Variants in TMEM117 observed in about 807,000 individuals in gnomAD.
TMEM117 encodes the protein transmembrane protein 117.
TMEM117 carries 27 observed loss-of-function variants against 52.4 expected under a neutral mutation model. The ratio of observed to expected loss-of-function variants is 0.51; its 90% CI spans 0.38 to 0.71. The LOEUF is 0.71. Among genes scored for constraint, TMEM117 ranks in the 30% least tolerant of loss-of-function variants. The probability of loss-of-function intolerance (pLI) is 0.00; values close to 1 mark genes in which losing one functional copy is unlikely to be tolerated. For synonymous variants in TMEM117, 215 were observed against 206.3 expected (o/e 1.04, Z -0.36); for missense variants, 556 against 630.5 (o/e 0.88, Z 1.26).
intron 3 of TMEM117, among the ~76,000 whole-genome samples, chr12:43,950,962 C>T (rs931369828): frequency 1.3e-5 from 2 of 152,144 alleles, no homozygotes; most frequent in Non-Finnish European, 2.9e-5. Context: ...GTTCATCCTA[C>T]TGGGACTGGC....
chr12:44,104,367 A>G (rs889751469), intron 3 of TMEM117, among the ~76,000 whole-genome samples: 1 of 151,834 alleles, frequency 6.6e-6, no homozygotes, highest in African/African-American at 2.4e-5. Flanking sequence ...AATCTCATCA[A>G]TCAAAATTAT....
intron 4 of TMEM117, among the ~76,000 whole-genome samples, chr12:44,168,252 C>CAAA (rs111854378): frequency 7.5e-6 from 1 of 133,988 alleles, no homozygotes; most frequent in Non-Finnish European, 1.7e-5. Context: ...GACCCCATCT[C>CAAA]AAAAAAAAAA....
intron 2 of TMEM117, among the ~76,000 whole-genome samples, chr12:43,869,260 A>G (rs1191009204): frequency 6.6e-6 from 1 of 152,078 alleles, no homozygotes; most frequent in Non-Finnish European, 1.5e-5. Flanking sequence ...GCTCTTGGGG[A>G]CTTGTAGCTG....
chr12:44,316,623 A>T (rs922729752), intron 6 of TMEM117, among the ~76,000 whole-genome samples: 2 of 151,948 alleles, frequency 1.3e-5, no homozygotes, highest in Non-Finnish European at 2.9e-5. Context: ...CTGGGTGTCT[A>T]CCTCTTTAAA....
chr12:43,827,143 C>T, the TMEM117 span, among the ~76,000 whole-genome samples: 3 of 151,770 alleles, frequency 2.0e-5, no homozygotes, highest in Non-Finnish European at 4.4e-5. Flanking sequence ...AATTATTCTG[C>T]ATAAATGTCA....
chr12:44,384,414 A>G (rs1349131671), intron 7 of TMEM117, among the ~76,000 whole-genome samples: 2 of 152,190 alleles, frequency 1.3e-5, no homozygotes, highest in South Asian at 2.1e-4. Flanking sequence ...TCCCCTCTGC[A>G]CTTCCCCACC....
At chr12:44,307,136 G>T (rs777467657) in intron 6 of TMEM117, among the ~76,000 whole-genome samples, 3 of 152,196 alleles carry the variant, frequency 2.0e-5, no homozygotes, top group South Asian at 4.1e-4. Flanking sequence ...TTGACCTGAC[G>T]TTAGTAGAGC....
At chr12:44,291,432 A>C (rs1950704690) in intron 5 of TMEM117, among the ~76,000 whole-genome samples, 1 of 127,848 alleles carries the variant, frequency 7.8e-6, no homozygotes, top group African/African-American at 3.1e-5. Context: ...ATGTAAGATC[A>C]TGTTATCTGC....
At chr12:44,295,201 T>C (rs1950752724) in intron 5 of TMEM117, among the ~76,000 whole-genome samples, 1 of 151,766 alleles carries the variant, frequency 6.6e-6, no homozygotes, top group Non-Finnish European at 1.5e-5. Flanking sequence ...ATATATATTG[T>C]ATTTATTTAT....
intron 5 of TMEM117, among the ~76,000 whole-genome samples, chr12:44,278,246 T>G (rs1488459420): frequency 6.6e-6 from 1 of 152,156 alleles, no homozygotes; most frequent in Non-Finnish European, 1.5e-5. Context: ...TACTCAGGAT[T>G]AAAAAGAGAT....
intron 5 of TMEM117, among the ~76,000 whole-genome samples, chr12:44,289,228 TGTGTG>T (rs1950672729): frequency 4.3e-4 from 8 of 18,674 alleles, no homozygotes; most frequent in African/African-American, 2.7e-3. Flanking sequence ...TCCCATTTTG[TGTGTG>T]TGTGTGTGTG....
chr12:44,243,155 T>C (rs904922359), intron 5 of TMEM117, among the ~76,000 whole-genome samples: 2 of 151,906 alleles, frequency 1.3e-5, no homozygotes, highest in Non-Finnish European at 2.9e-5. Flanking sequence ...CTAGATATTA[T>C]ACCTTTGTCA....
chr12:44,198,262 T>C (rs1421895182), intron 4 of TMEM117, among the ~76,000 whole-genome samples: 1 of 152,172 alleles, frequency 6.6e-6, no homozygotes, highest in Non-Finnish European at 1.5e-5. Flanking sequence ...ACTACATACA[T>C]ACATCCTATA....
intron 6 of TMEM117, among the ~76,000 whole-genome samples, chr12:44,375,061 T>G (rs1951922622): frequency 6.6e-6 from 1 of 152,088 alleles, no homozygotes; most frequent in Non-Finnish European, 1.5e-5. Context: ...CCAAGCAACA[T>G]AGAAAGAACA....
At chr12:43,846,035 C>A (rs1943202094) in intron 2 of TMEM117, among the ~76,000 whole-genome samples, 1 of 152,048 alleles carries the variant, frequency 6.6e-6, no homozygotes, top group Non-Finnish European at 1.5e-5. Flanking sequence ...AGCACATTTT[C>A]ATTAAATATA....
chr12:43,838,138 A>T (rs1455321019), intron 1 of TMEM117, among the ~76,000 whole-genome samples: 4 of 151,492 alleles, frequency 2.6e-5, no homozygotes, highest in Non-Finnish European at 5.9e-5. Context: ...TTTTTTTTTT[A>T]ACCTGTATTA....
chr12:44,075,669 T>TA (rs1323084182), intron 3 of TMEM117, among the ~76,000 whole-genome samples: 1 of 152,166 alleles, frequency 6.6e-6, no homozygotes, highest in African/African-American at 2.4e-5. Context: ...CTAATTTATT[T>TA]AAAAAGGAAG....
chr12:44,388,362 G>T lies in TMEM117; in HGVS notation c.1235G>T (p.Trp412Leu). 1 of 1,613,378 alleles carries T rather than the reference G, an allele frequency of 6.2e-7. No homozygotes were observed. Among genetic ancestry groups the T allele is most frequent in the Non-Finnish European group, 8.5e-7 (1 of 1,179,634 alleles). Residue 412 changes from tryptophan (W) to leucine (L), a missense_variant, in exon 8 of 8, where the codon TGG (tryptophan) becomes TTG (leucine). This residue lies in a region of TMEM117 where 206 missense variants were observed against 211.1 expected (regional missense o/e 0.98). Transcript: ENST00000266534. ...IAFVWFGFFI[W>L]FFGRFLKNEP... The stretch of plus-strand genomic sequence containing the variant: ...TTTGTGTGGTTTGGATTCTTTATTT[G>T]GTTCTTTGGACGATTTTTGAAAAAT...
chr12:43,831,308 G>A (rs1049923237), upstream of TMEM117, among the ~76,000 whole-genome samples: 2 of 152,148 alleles, frequency 1.3e-5, no homozygotes, highest in African/African-American at 2.4e-5. Flanking sequence ...AGCATTTCCC[G>A]ATTGACTTGG....
Sources: allele counts gnomAD v4.1 joint callset (sites outside exome capture counted in the v4.1 genomes callset), GRCh38; gene constraint gnomAD v4.1.1; regional missense constraint gnomAD v4.1.1; transcripts MANE v1.5; gene names NCBI Gene and HGNC (gene_info 2026-07-23, HGNC 2026-07-21).